The following GRAMD4 variants were observed in gnomAD, a reference collection of about 807,000 sequenced individuals.
GRAMD4 encodes the protein GRAM domain-containing protein 4.
GRAMD4 carries 25 observed loss-of-function variants against 83.9 expected under a neutral mutation model. The observed-to-expected ratio is 0.30, with a 90% CI of 0.22 to 0.42. The LOEUF is 0.42. GRAMD4 is among the 10% of genes least tolerant of loss of function. The pLI is 1.00. For missense variants in GRAMD4, 593 were observed against 788.7 expected (o/e 0.75, Z 2.97); for synonymous variants, 336 against 320.9 (o/e 1.05, Z -0.50).
intron 6 of GRAMD4, 52 bp from the exon 7 acceptor site, chr22:46,663,786 G>A: frequency 6.3e-7 from 1 of 1,593,962 alleles, no homozygotes; most frequent in Non-Finnish European, 8.6e-7. Context: ...GGGGACTGCA[G>A]AGCCGGCGGG....
intron 2 of GRAMD4, among the ~76,000 whole-genome samples, chr22:46,629,063 G>GC (rs1480743271): frequency 1.3e-5 from 2 of 152,016 alleles, no homozygotes; most frequent in South Asian, 4.1e-4. Context: ...GTGGACTGGG[G>GC]CCCCCCTTCC....
At chr22:46,643,086 T>C (rs141152483) in intron 3 of GRAMD4, among the ~76,000 whole-genome samples, 17 of 1,228 alleles carry the variant, frequency 0.014, no homozygotes, top group South Asian at 0.05. Context: ...TATCCATTTA[T>C]CCATCCATCC....
rs117921766 is a variant in GRAMD4 at position 46,662,935 on chromosome 22, C to T, written c.467-105C>T. The T allele has an allele frequency of 3.5e-4, 369 of 1,059,276 alleles. No homozygotes were observed. The African/African-American group carries it at 4.7e-3, about 13-fold the overall frequency. 65.6% of individuals were successfully genotyped at this position (1,059,276 alleles called of 1,614,324 possible). ...GAGCATTCCTTGTGCCTCTGCTGGC[C>T]GCGCCCTTGCAGTGAGGCCCCTCCC... is the stretch of plus-strand genomic sequence containing the variant. On this transcript the variant is annotated intron_variant, in intron 5 of 18. Coordinates refer to ENST00000406902, the MANE Select transcript of GRAMD4 (RefSeq NM_015124.5).
At chr22:46,645,018 T>A (rs571631398) in intron 3 of GRAMD4, among the ~76,000 whole-genome samples, 2 of 147,906 alleles carry the variant, frequency 1.4e-5, no homozygotes, top group African/African-American at 5.0e-5. Context: ...TCAAAGTTTA[T>A]TACAGGCGTG....
intron 4 of GRAMD4, among the ~76,000 whole-genome samples, chr22:46,661,158 C>T (rs1158503459): frequency 6.6e-6 from 1 of 152,084 alleles, no homozygotes; most frequent in Non-Finnish European, 1.5e-5. Context: ...GTGAAAGATG[C>T]TGGTTGTTTA....
upstream of GRAMD4, among the ~76,000 whole-genome samples, chr22:46,576,676 G>A (rs938087010): frequency 6.6e-6 from 1 of 152,132 alleles, no homozygotes; most frequent in African/African-American, 2.4e-5. Flanking sequence ...AGGCGGTCGA[G>A]GAAAGGCATT....
intron 1 of GRAMD4, chr22:46,587,923 G>C: frequency 2.0e-6 from 2 of 985,382 alleles, no homozygotes; most frequent in Non-Finnish European, 2.4e-6. Context: ...TCCCCGTCTG[G>C]GCAGACGCAC....
intron 1 of GRAMD4, among the ~76,000 whole-genome samples, chr22:46,595,464 A>C (rs1480641111): frequency 6.6e-6 from 1 of 152,222 alleles, no homozygotes; most frequent in Non-Finnish European, 1.5e-5. Flanking sequence ...TGGAAAGGGG[A>C]GGTGGCGCCC....
At chr22:46,584,070 C>T (rs2081123724) in intron 1 of GRAMD4, among the ~76,000 whole-genome samples, 2 of 152,180 alleles carry the variant, frequency 1.3e-5, no homozygotes, top group African/African-American at 2.4e-5. Context: ...ATTTTGTTTG[C>T]TCACTCGTTC....
chr22:46,663,938 A>C (rs1325464508), intron 7 of GRAMD4, 75 bp downstream of exon 7: 1 of 1,580,834 alleles, frequency 6.3e-7, no homozygotes, highest in Non-Finnish European at 8.7e-7. Flanking sequence ...GGACTCTGGG[A>C]TTCTGAGCTG....
chr22:46,607,866 C>T (rs573841515), intron 1 of GRAMD4, among the ~76,000 whole-genome samples: 3 of 152,188 alleles, frequency 2.0e-5, no homozygotes, highest in Admixed American at 6.5e-5. Flanking sequence ...CTGCAGCCTG[C>T]GACCTGTCCT....
At chr22:46,669,552 T>C (rs1284237820) in intron 13 of GRAMD4, among the ~76,000 whole-genome samples, 1 of 151,880 alleles carries the variant, frequency 6.6e-6, no homozygotes, top group Non-Finnish European at 1.5e-5. Flanking sequence ...TCTTTCTCCT[T>C]TTCTTTGTTT....
chr22:46,675,351 G>A (rs1338936641), intron 16 of GRAMD4, 117 bp from the exon 17 acceptor site: 2 of 738,192 alleles, frequency 2.7e-6, no homozygotes, highest in Non-Finnish European at 5.0e-6. Context: ...CTGCTGGGAA[G>A]GGAGCACCAC....
In GRAMD4 at chr22:46,622,709, T is replaced by G. The variant is rs528912609; in HGVS notation, c.-50+2144T>G. ...CGGGTGGATCACGAGGTCAGGAGAT[T>G]GAGACCATCCTGGCTAACATGGCGA... is the stretch of plus-strand genomic sequence containing the variant. On this transcript the variant is annotated intron_variant, in intron 1 of 18. Coordinates refer to ENST00000406902, the MANE Select transcript of GRAMD4 (RefSeq NM_015124.5). This position sits in a 1 kb window ranked among gnomAD's most constrained non-coding sequence, Gnocchi z 4.0. Among the ~76,000 whole-genome samples the G allele has an allele frequency of 1.3e-5, 2 of 152,198 alleles. No homozygotes were observed. The highest frequency in any genetic ancestry group is 4.1e-4 in the South Asian group (2 of 4,820).
rs184534467 is a variant in GRAMD4 at position 46,651,848 on chromosome 22, G to A, written c.284-6339G>A. Among the ~76,000 whole-genome samples, 143 of 151,060 alleles carry A rather than the reference G, an allele frequency of 9.5e-4. 1 individual carries two copies. Among genetic ancestry groups the A allele is most frequent in the African/African-American group, 3.2e-3 (134 of 41,458 alleles). ...TGCCTTTGAGGGCGGAGCTGGAGGT[G>A]GGGGGGAGAGAGACGGAGCTAGGGG... On this transcript the variant is annotated intron_variant, in intron 3 of 18. Transcript: ENST00000406902.
intron 1 of GRAMD4, among the ~76,000 whole-genome samples, chr22:46,593,311 G>T (rs371545035): frequency 1.3e-5 from 2 of 151,978 alleles, no homozygotes; most frequent in African/African-American, 4.8e-5. Flanking sequence ...GCTTCCTTGC[G>T]GGCGGCCCTT....
intron 2 of GRAMD4, among the ~76,000 whole-genome samples, chr22:46,637,104 G>A (rs1276418078): frequency 3.9e-5 from 6 of 152,066 alleles, no homozygotes; most frequent in Non-Finnish European, 7.4e-5. Flanking sequence ...TCGTGGAGGC[G>A]CCCGCAGCCT....
Position 46,664,085 on chromosome 22 carries a change from T to C in GRAMD4, c.685T>C (p.Tyr229His), listed in dbSNP as rs200909649. 1.2e-6 allele frequency: 2 copies of C among 1,613,368 alleles called. No individual in the cohort carries two copies. Among genetic ancestry groups the C allele is most frequent in the African/African-American group, 2.7e-5 (2 of 75,008 alleles). The change falls in exon 8 of 19, where the codon TAC (tyrosine) becomes CAC (histidine). Residue 229 changes from tyrosine to histidine, a missense_variant. Tyr to His is a moderately conservative substitution (Grantham distance 83). This residue lies in a region of GRAMD4 where 312 missense variants were observed against 350.7 expected (regional missense o/e 0.89). Coordinates refer to ENST00000406902, the MANE Select transcript of GRAMD4 (RefSeq NM_015124.5). Reference sequence around the variant, plus strand: ...GAACCTCTCTGCCTTATCCGACTGGTACTCCGTCTACACGTCTGCCATTGC... The same window carrying C: ...GAACCTCTCTGCCTTATCCGACTGGCACTCCGTCTACACGTCTGCCATTGC... Reference protein sequence around the residue: ...VKNLSALSDWYSVYTSAIAFT... With the variant: ...VKNLSALSDWHSVYTSAIAFT...
chr22:46,646,108 T>C (rs974716507), intron 3 of GRAMD4, among the ~76,000 whole-genome samples: 2 of 152,180 alleles, frequency 1.3e-5, no homozygotes, highest in African/African-American at 2.4e-5. Flanking sequence ...CCTGTGTTGC[T>C]GGAGAGGGCT....
Sources: gnomAD v4.1 joint callset for allele counts (sites outside exome capture counted in the v4.1 genomes callset) on GRCh38, gnomAD v4.1.1 for gene constraint, gnomAD v4.1.1 regional missense constraint, Gnocchi (gnomAD v3.1) non-coding constraint, MANE v1.5 for transcripts, NCBI Gene and HGNC (gene_info 2026-07-23, HGNC 2026-07-21) for gene names.